The following NXPH1 variants were observed in gnomAD, a reference collection of about 807,000 sequenced individuals.
The protein encoded by NXPH1 is neurexophilin-1.
A neutral mutation model predicts 23.7 loss-of-function variants in NXPH1; 5 were observed. The ratio of observed to expected loss-of-function variants is 0.21; its 90% CI spans 0.11 to 0.44. The LOEUF is 0.44. Ranked by LOEUF, NXPH1 falls within the 20% of genes least tolerant of loss-of-function variation. The pLI is 0.99. For synonymous variants in NXPH1, 144 were observed against 122.2 expected, an observed-to-expected ratio of 1.18 and a Z score of -1.18; for missense variants, 324 against 321.6, an observed-to-expected ratio of 1.01 and a Z score of -0.06.
intron 2 of NXPH1, among the ~76,000 whole-genome samples, chr7:8,502,396 G>T (rs1817451417): frequency 6.6e-6 from 1 of 151,784 alleles, no homozygotes; most frequent in Admixed American, 6.6e-5. Flanking sequence ...TTATGTTAAA[G>T]ATTAATTTAA....
At chr7:8,580,225 T>G (rs968289094) in intron 2 of NXPH1, among the ~76,000 whole-genome samples, 1 of 152,070 alleles carries the variant, frequency 6.6e-6, no homozygotes, top group East Asian at 1.9e-4. Flanking sequence ...GAATCAAGAA[T>G]GGGTATGGGC....
At chr7:8,701,325 A>G (rs979859468) in intron 2 of NXPH1, among the ~76,000 whole-genome samples, 14 of 152,110 alleles carry the variant, frequency 9.2e-5, no homozygotes, top group Non-Finnish European at 2.1e-4. Flanking sequence ...CATAGAACCC[A>G]GTCCAAACTC....
intron 2 of NXPH1, among the ~76,000 whole-genome samples, chr7:8,628,625 T>A (rs1411021633): frequency 6.6e-6 from 1 of 151,996 alleles, no homozygotes; most frequent in African/African-American, 2.4e-5. Context: ...AAAGAAATGA[T>A]TCTTTTCATG....
chr7:8,457,867 A>G (rs757504968), intron 2 of NXPH1, among the ~76,000 whole-genome samples: 5 of 152,212 alleles, frequency 3.3e-5, no homozygotes, highest in African/African-American at 7.2e-5. Flanking sequence ...AGTTAGAGCT[A>G]TAAAAAATTA....
chr7:8,655,502 GCACACA>G (rs1275205107), intron 2 of NXPH1, among the ~76,000 whole-genome samples: 1 of 11,650 alleles, frequency 8.6e-5, no homozygotes, highest in Non-Finnish European at 2.7e-4. Context: ...TCCATCACAC[GCACACA>G]CACACACGCA....
intron 2 of NXPH1, among the ~76,000 whole-genome samples, chr7:8,634,113 G>A (rs547661611): frequency 4.6e-5 from 7 of 152,146 alleles, no homozygotes; most frequent in East Asian, 3.9e-4. Context: ...TGGTGATGTC[G>A]TTTAGCTGTG....
chr7:8,731,247 T>G (rs1583250723), intron 2 of NXPH1, among the ~76,000 whole-genome samples: 1 of 151,932 alleles, frequency 6.6e-6, no homozygotes, highest in Non-Finnish European at 1.5e-5. Context: ...TTCTTCTAAA[T>G]TTTTTTCGAA....
At chr7:8,477,886 C>T (rs555585999) in intron 2 of NXPH1, among the ~76,000 whole-genome samples, 6 of 152,166 alleles carry the variant, frequency 3.9e-5, no homozygotes, top group South Asian at 4.1e-4. Context: ...ATTACAATTA[C>T]GTGTTTGAAT....
intron 2 of NXPH1, among the ~76,000 whole-genome samples, chr7:8,450,741 T>A (rs1409431007): frequency 1.3e-5 from 2 of 152,244 alleles, no homozygotes; most frequent in African/African-American, 4.8e-5. Flanking sequence ...TTTAAAAATG[T>A]AAATAAAATT....
chr7:8,546,006 A>G (rs577873142), intron 2 of NXPH1, among the ~76,000 whole-genome samples: 2 of 151,650 alleles, frequency 1.3e-5, no homozygotes, highest in East Asian at 2.0e-4. Flanking sequence ...TTCACCGTAA[A>G]GATTGTAGCA....
intron 2 of NXPH1, among the ~76,000 whole-genome samples, chr7:8,490,227 T>C (rs1041784952): frequency 1.3e-5 from 2 of 152,124 alleles, no homozygotes; most frequent in South Asian, 2.1e-4. Flanking sequence ...ATTAACCAAA[T>C]CATTCTGGCA....
intron 2 of NXPH1, among the ~76,000 whole-genome samples, chr7:8,657,018 C>G (rs1820595263): frequency 6.6e-6 from 1 of 152,168 alleles, no homozygotes; most frequent in African/African-American, 2.4e-5. Flanking sequence ...GTTTCCACAG[C>G]TGGTGGATCT....
At chr7:8,540,577 C>G (rs572859529) in intron 2 of NXPH1, among the ~76,000 whole-genome samples, 2 of 151,550 alleles carry the variant, frequency 1.3e-5, no homozygotes, top group East Asian at 3.9e-4. Context: ...GAGGTCAAGG[C>G]GGTTAGGATT....
intron 2 of NXPH1, among the ~76,000 whole-genome samples, chr7:8,508,737 G>T (rs1056840768): frequency 1.3e-5 from 2 of 152,024 alleles, no homozygotes; most frequent in African/African-American, 4.8e-5. Context: ...GCTGCAAAGG[G>T]TCTAAGTTCA....
intron 2 of NXPH1, among the ~76,000 whole-genome samples, chr7:8,571,441 G>C (rs1432687062): frequency 6.6e-6 from 1 of 151,722 alleles, no homozygotes; most frequent in Non-Finnish European, 1.5e-5. Context: ...GAACAGAGGT[G>C]GGAAAAAGAA....
At chr7:8,461,829 T>C (rs1195293985) in intron 2 of NXPH1, among the ~76,000 whole-genome samples, 1 of 31,890 alleles carries the variant, frequency 3.1e-5, no homozygotes, top group South Asian at 1.4e-3. Flanking sequence ...AGAGCGAGAC[T>C]CCGTCTCAAA....
At chr7:8,677,268 C>A (rs1263044944) in intron 2 of NXPH1, among the ~76,000 whole-genome samples, 2 of 152,092 alleles carry the variant, frequency 1.3e-5, no homozygotes, top group Admixed American at 6.6e-5. Context: ...TAAAAAATTT[C>A]TAAGGTTATA....
intron 2 of NXPH1, among the ~76,000 whole-genome samples, chr7:8,487,944 G>T (rs956603085): frequency 6.6e-6 from 1 of 151,986 alleles, no homozygotes; most frequent in Non-Finnish European, 1.5e-5. Context: ...ATAGAATAAC[G>T]TATTAAAGAG....
chr7:8,643,947 A>G (rs1196620675), intron 2 of NXPH1, among the ~76,000 whole-genome samples: 1 of 152,086 alleles, frequency 6.6e-6, no homozygotes, highest in African/African-American at 2.4e-5. Context: ...CATTTTTGCT[A>G]ATAGTAATAC....
Sources: allele counts gnomAD v4.1 joint callset (sites outside exome capture counted in the v4.1 genomes callset), GRCh38; gene constraint gnomAD v4.1.1; transcripts MANE v1.5; gene names NCBI Gene and HGNC (gene_info 2026-07-23, HGNC 2026-07-21).